Variants in SPTLC2 observed in about 807,000 individuals in gnomAD.
SPTLC2 encodes the protein serine palmitoyltransferase 2.
In SPTLC2, 21 loss-of-function variants were observed where a neutral mutation model predicts 62.0. That is an observed-to-expected ratio of 0.34 (90% CI 0.24 to 0.49). The LOEUF (loss-of-function observed/expected upper bound fraction) is 0.49. Ranked by LOEUF, SPTLC2 falls within the 20% of genes least tolerant of loss-of-function variation. The pLI is 0.99. For synonymous variants in SPTLC2, 261 were observed against 261.8 expected (o/e 1.00, Z 0.03); for missense variants, 511 against 713.0 (o/e 0.72, Z 3.23).
intron 5 of SPTLC2, among the ~76,000 whole-genome samples, chr14:77,568,574 C>T (rs368559679): frequency 6.6e-6 from 1 of 151,716 alleles, no homozygotes; most frequent in Admixed American, 6.6e-5. Context: ...TTTGGGAGGC[C>T]GAGGCAGGCA....
intron 5 of SPTLC2, among the ~76,000 whole-genome samples, chr14:77,565,984 G>A (rs182341570): frequency 1.1e-4 from 17 of 152,300 alleles, no homozygotes; most frequent in Non-Finnish European, 1.9e-4. Context: ...AAAATAAAGA[G>A]AAGTCAGATT....
intron 10 of SPTLC2, among the ~76,000 whole-genome samples, chr14:77,518,460 G>A (rs2079369565): frequency 6.6e-6 from 1 of 152,070 alleles, no homozygotes; most frequent in African/African-American, 2.4e-5. Flanking sequence ...AGCTATGTGT[G>A]GTGGCATGCA....
intron 6 of SPTLC2, among the ~76,000 whole-genome samples, chr14:77,559,754 G>A (rs2079604714): frequency 6.6e-6 from 1 of 152,084 alleles, no homozygotes; most frequent in Admixed American, 6.6e-5. Flanking sequence ...AGTCCGGCAT[G>A]GTGGTGGATG....
intron 6 of SPTLC2, 137 bp from the exon 7 acceptor site, chr14:77,557,283 A>C: frequency 1.3e-6 from 1 of 759,426 alleles, no homozygotes. Flanking sequence ...GGCAGAAAAA[A>C]GCAGGGCAAA....
intron 9 of SPTLC2, among the ~76,000 whole-genome samples, chr14:77,538,795 T>C (rs1423933229): frequency 7.2e-5 from 11 of 151,820 alleles, no homozygotes; most frequent in Non-Finnish European, 1.5e-5. Context: ...GGTCTCAAAC[T>C]CCTGACCTCA....
chr14:77,600,940 C>A (rs189510219), intron 1 of SPTLC2, among the ~76,000 whole-genome samples: 2 of 152,254 alleles, frequency 1.3e-5, no homozygotes, highest in African/African-American at 2.4e-5. Flanking sequence ...TGAAAAGGCA[C>A]TCCTAACCAA....
In SPTLC2 at chr14:77,552,009, A is replaced by C. The variant is rs1040670206; in HGVS notation, c.1303+87T>G. 7 of 1,561,722 alleles carry C rather than the reference A, an allele frequency of 4.5e-6. No individual in the cohort carries two copies. The Admixed American group carries it at 5.6e-5, about 12-fold the overall frequency. On this transcript the variant is annotated intron_variant, in intron 9 of 11. Coordinates refer to ENST00000216484, the MANE Select transcript of SPTLC2 (RefSeq NM_004863.4). Reference sequence around the variant, plus strand: ...GCTCTGCCTATTAGTAAACCTGACTATTTATTTTAGGAAAAAAGCTCAAGA... The same window carrying C: ...GCTCTGCCTATTAGTAAACCTGACTCTTTATTTTAGGAAAAAAGCTCAAGA...
rs530092482 is a variant in SPTLC2 at position 77,554,947 on chromosome 14, G to A, written c.1176+353C>T. 19 of 336,414 alleles carry A rather than the reference G, an allele frequency of 5.6e-5. No individual in the cohort carries two copies. In the Admixed American group the frequency reaches 6.3e-4, roughly 11 times the overall value. The allele number at this position is 336,414 out of a possible 1,614,324, so 20.8% of individuals were successfully genotyped here. A position where few individuals can be genotyped will look rare whatever the true frequency, so the allele number is the denominator to read the frequency against. Reference sequence around the variant, plus strand: ...GGGCAAGGTGACCTGCTATTCCCATGGGCTCCCATGACAACCCCACTGTTT... The same window carrying A: ...GGGCAAGGTGACCTGCTATTCCCATAGGCTCCCATGACAACCCCACTGTTT... On this transcript the variant is annotated intron_variant, in intron 8 of 11. Coordinates refer to ENST00000216484, the MANE Select transcript of SPTLC2 (RefSeq NM_004863.4).
intron 5 of SPTLC2, 39 bp from the exon 6 acceptor site, chr14:77,562,528 G>T: frequency 6.4e-7 from 1 of 1,556,592 alleles, no homozygotes; most frequent in Non-Finnish European, 8.9e-7. Context: ...GAAGCTGGAG[G>T]GGAAAGGGTT....
intron 2 of SPTLC2, among the ~76,000 whole-genome samples, chr14:77,580,360 T>C (rs1595002766): frequency 1.3e-5 from 2 of 151,334 alleles, no homozygotes; most frequent in South Asian, 4.2e-4. Flanking sequence ...CGGGTGCCTG[T>C]AATTCCAGCT....
At chr14:77,593,577 A>G (rs2079830663) in intron 2 of SPTLC2, among the ~76,000 whole-genome samples, 1 of 152,234 alleles carries the variant, frequency 6.6e-6, no homozygotes, top group Non-Finnish European at 1.5e-5. Flanking sequence ...ATTTTATGCA[A>G]TGTATATAAA....
intron 9 of SPTLC2, among the ~76,000 whole-genome samples, chr14:77,546,181 G>T (rs2079527119): frequency 1.3e-5 from 2 of 152,298 alleles, no homozygotes; most frequent in Middle Eastern, 6.8e-3. Flanking sequence ...CATTCTAGTT[G>T]GAGACAAGAT....
intron 2 of SPTLC2, among the ~76,000 whole-genome samples, chr14:77,583,241 A>ATAAAAAAT: frequency 6.8e-6 from 1 of 148,114 alleles, no homozygotes; most frequent in South Asian, 2.2e-4. Context: ...AAATAAATAA[A>ATAAAAAAT]AATAATAATT....
At chr14:77,576,674 G>C (rs920533936) in intron 4 of SPTLC2, 93 bp downstream of exon 4, 1 of 1,540,196 alleles carries the variant, frequency 6.5e-7, no homozygotes, top group South Asian at 1.1e-5. Flanking sequence ...ACAAAGTGTA[G>C]ATATTTAATA....
intron 9 of SPTLC2, among the ~76,000 whole-genome samples, chr14:77,531,443 TCTCCTCC>T (rs2079438273): frequency 2.3e-5 from 3 of 130,354 alleles, no homozygotes; most frequent in Non-Finnish European, 3.3e-5. Context: ...TTCTTCTTCT[TCTCCTCC>T]TTCTCCTCCT....
At chr14:77,578,002 G>A (rs1202364281) in intron 3 of SPTLC2, among the ~76,000 whole-genome samples, 1 of 152,030 alleles carries the variant, frequency 6.6e-6, no homozygotes, top group African/African-American at 2.4e-5. Flanking sequence ...AAAAGTAGCT[G>A]AGCATGGTGG....
intron 9 of SPTLC2, among the ~76,000 whole-genome samples, chr14:77,531,504 C>CTTCT (rs1566770861): frequency 9.2e-5 from 7 of 76,362 alleles, no homozygotes; most frequent in African/African-American, 3.5e-4. Flanking sequence ...CCTCCTCCTC[C>CTTCT]TCCTCTTCTT....
intron 7 of SPTLC2, among the ~76,000 whole-genome samples, chr14:77,556,719 T>A (rs1360703635): frequency 8.0e-6 from 1 of 124,850 alleles, no homozygotes; most frequent in African/African-American, 2.5e-5. Context: ...TAAAATTAAA[T>A]GGTGTGTAAT....
At chr14:77,512,955 A>G (rs2079339843) in intron 11 of SPTLC2, among the ~76,000 whole-genome samples, 1 of 145,300 alleles carries the variant, frequency 6.9e-6, no homozygotes, top group East Asian at 2.1e-4. Flanking sequence ...ACCTCAAGTG[A>G]TCCACCACCT....
Sources: gnomAD v4.1 joint callset for allele counts (sites outside exome capture counted in the v4.1 genomes callset) on GRCh38, gnomAD v4.1.1 for gene constraint, MANE v1.5 for transcripts, NCBI Gene and HGNC (gene_info 2026-07-23, HGNC 2026-07-21) for gene names.